Variants in LRRC8D observed in about 807,000 individuals in gnomAD.
LRRC8D encodes the protein leucine rich repeat containing 8 VRAC subunit D, also known as volume-regulated anion channel subunit LRRC8D.
Under a neutral mutation model 55.8 loss-of-function variants are expected in LRRC8D, and 20 were observed. The observed-to-expected ratio is 0.36, with a 90% CI of 0.25 to 0.52. The LOEUF (loss-of-function observed/expected upper bound fraction) is 0.52, where lower values mean the gene tolerates loss of function less well. Ranked by LOEUF, LRRC8D falls within the 20% of genes least tolerant of loss-of-function variation. The pLI, the probability that LRRC8D is intolerant of heterozygous loss-of-function variation, is 0.93. For missense variants in LRRC8D, 651 were observed against 1,030.8 expected (o/e 0.63, Z 5.05); for synonymous variants, 352 against 377.0 (o/e 0.93, Z 0.77).
chr1:89,879,211 TA>T, intron 2 of LRRC8D, among the ~76,000 whole-genome samples: 1 of 152,342 alleles, frequency 6.6e-6, no homozygotes, highest in South Asian at 2.1e-4. Flanking sequence ...TGAAAGAGTT[TA>T]TCCTGCTATA....
chr1:89,893,543 T>A (rs1287401856), intron 2 of LRRC8D, among the ~76,000 whole-genome samples: 1 of 152,208 alleles, frequency 6.6e-6, no homozygotes, highest in East Asian at 1.9e-4. Context: ...TACTGGAAAT[T>A]ATGCATTTTC....
At chr1:89,860,785 A>AAAAAAAAAATATATATAT (rs1553123917) in intron 2 of LRRC8D, among the ~76,000 whole-genome samples, 1 of 28,178 alleles carries the variant, frequency 3.5e-5, no homozygotes, top group Non-Finnish European at 7.2e-5. Context: ...AAAAAAAAAA[A>AAAAAAAAAATATATATAT]ATATATATAT....
chr1:89,840,884 T>C (rs1661115998), intron 1 of LRRC8D, among the ~76,000 whole-genome samples: 1 of 152,038 alleles, frequency 6.6e-6, no homozygotes. Flanking sequence ...TCTTAGATAA[T>C]GAGTAACAAA....
intron 2 of LRRC8D, among the ~76,000 whole-genome samples, chr1:89,920,301 G>T (rs1186040241): frequency 6.6e-6 from 1 of 152,098 alleles, no homozygotes; most frequent in Non-Finnish European, 1.5e-5. Flanking sequence ...TTTGTGTAAA[G>T]TTCTTTTTAT....
At chr1:89,903,083 CAG>C (rs1351195587) in intron 2 of LRRC8D, among the ~76,000 whole-genome samples, 3 of 152,084 alleles carry the variant, frequency 2.0e-5, no homozygotes, top group South Asian at 2.1e-4. Flanking sequence ...AAGAGGGAAA[CAG>C]AGATGTTAGG....
chr1:89,909,424 A>G (rs74098631), intron 2 of LRRC8D, among the ~76,000 whole-genome samples: 3,351 of 152,144 alleles, frequency 0.022, 112 homozygotes, highest in African/African-American at 0.077. Flanking sequence ...CCCTGACTCC[A>G]TAACTAAAAC....
intron 2 of LRRC8D, among the ~76,000 whole-genome samples, chr1:89,901,707 A>T (rs35475991): frequency 0.01 from 1,568 of 152,330 alleles, 15 homozygotes; most frequent in African/African-American, 0.018. Flanking sequence ...TATTTTTTTT[A>T]AAAAATAATT....
At chr1:89,904,855 T>C (rs1223732751) in intron 2 of LRRC8D, among the ~76,000 whole-genome samples, 4 of 152,150 alleles carry the variant, frequency 2.6e-5, no homozygotes, top group Admixed American at 1.3e-4. Context: ...TTTACAGGAT[T>C]GTTGAATGGT....
At chr1:89,921,528 GTTTGTTTTGTTTTGT>G (rs544595128) in intron 2 of LRRC8D, among the ~76,000 whole-genome samples, 35 of 149,468 alleles carry the variant, frequency 2.3e-4, no homozygotes, top group Non-Finnish European at 4.2e-4. Flanking sequence ...TTTTTTGTTT[GTTTGTTTTGTTTTGT>G]TTTGTTTTGT....
intron 2 of LRRC8D, among the ~76,000 whole-genome samples, chr1:89,926,063 A>C (rs1382761122): frequency 1.3e-5 from 2 of 152,226 alleles, no homozygotes; most frequent in African/African-American, 4.8e-5. Flanking sequence ...TTCTTCAGTC[A>C]AAATTGTTTT....
At chr1:89,924,559 A>G (rs1358885318) in intron 2 of LRRC8D, among the ~76,000 whole-genome samples, 2 of 152,226 alleles carry the variant, frequency 1.3e-5, no homozygotes, top group Admixed American at 1.3e-4. Context: ...AGCAATCTCT[A>G]TTGTGTATAT....
intron 1 of LRRC8D, chr1:89,843,409 G>GC (rs1172599915): frequency 1.1e-4 from 38 of 336,686 alleles, no homozygotes; most frequent in African/African-American, 8.0e-4. Flanking sequence ...GTGGCTGGCA[G>GC]CGAGGCCACC....
At chr1:89,927,088 A>T (rs921958412) in intron 2 of LRRC8D, among the ~76,000 whole-genome samples, 4 of 152,250 alleles carry the variant, frequency 2.6e-5, no homozygotes, top group African/African-American at 9.6e-5. Context: ...TGGCAGAATC[A>T]GTCCTTTGTA....
rs1663804032 is a variant in LRRC8D at position 89,935,075 on chromosome 1, C to T, written c.2007C>T (p.Asn669=). 1 of 1,614,186 alleles carries T rather than the reference C, an allele frequency of 6.2e-7. No individual in the cohort carries two copies. The highest frequency in any genetic ancestry group is 8.5e-7 in the Non-Finnish European group (1 of 1,180,016). ...NLQELDLKSN[N]IRTIEEIISF... ...AGGAACTGGATTTAAAGTCCAATAA[C>T]ATTCGCACAATTGAGGAAATCATCA... is the stretch of plus-strand genomic sequence containing the variant. The change falls in exon 3 of 3, where the codon AAC becomes AAT. Residue 669 remains asparagine, a synonymous_variant. Transcript: ENST00000337338.
intron 2 of LRRC8D, among the ~76,000 whole-genome samples, chr1:89,931,038 G>T (rs1663693793): frequency 7.7e-6 from 1 of 129,238 alleles, no homozygotes. Context: ...ACAAAGACTG[G>T]TTACCAGGCA....
intron 2 of LRRC8D, among the ~76,000 whole-genome samples, chr1:89,885,696 T>A (rs1195845105): frequency 6.6e-6 from 1 of 152,206 alleles, no homozygotes; most frequent in African/African-American, 2.4e-5. Flanking sequence ...GTGTTTACTG[T>A]CTTCCTTAAC....
intron 1 of LRRC8D, among the ~76,000 whole-genome samples, chr1:89,842,129 T>C (rs1661149482): frequency 6.6e-6 from 1 of 151,386 alleles, no homozygotes; most frequent in Non-Finnish European, 1.5e-5. Context: ...AGGAGAATCG[T>C]TTGAACCCGA....
chr1:89,905,946 A>G (rs559802635), intron 2 of LRRC8D, among the ~76,000 whole-genome samples: 47 of 152,352 alleles, frequency 3.1e-4, no homozygotes, highest in African/African-American at 9.9e-4. Flanking sequence ...CTTCAAAGGT[A>G]GCTGAGACCT....
Position 89,935,369 on chromosome 1 carries a change from G to T in LRRC8D, c.2301G>T (p.Leu767=), listed in dbSNP as rs546317632. 6.2e-7 allele frequency: 1 copy of T among 1,614,214 alleles called. No homozygotes were observed. Among genetic ancestry groups the T allele is most frequent in the East Asian group, 2.2e-5 (1 of 44,880 alleles). The change falls in exon 3 of 3, where the codon CTG becomes CTT. Residue 767 remains leucine, a synonymous_variant. Transcript: ENST00000337338. ...TCACTGGGAACAAAGTGGACATTCT[G>T]CCAAAACAATTGTTTAAATGCATAA... ...LHITGNKVDI[L]PKQLFKCIKL...
Sources: gnomAD v4.1 joint callset for allele counts (sites outside exome capture counted in the v4.1 genomes callset) on GRCh38, gnomAD v4.1.1 for gene constraint, MANE v1.5 for transcripts, NCBI Gene and HGNC (gene_info 2026-07-23, HGNC 2026-07-21) for gene names.